Variants in OGFOD3 observed in about 807,000 individuals in gnomAD.
The protein encoded by OGFOD3 is 2-oxoglutarate and iron-dependent oxygenase domain-containing protein 3.
In OGFOD3, 35 loss-of-function variants were observed where a neutral mutation model predicts 39.8. The ratio of observed to expected loss-of-function variants is 0.88; its 90% confidence interval spans 0.67 to 1.17. OGFOD3 has a LOEUF of 1.17. Ranked by LOEUF, OGFOD3 falls within the 50% of genes most tolerant of loss-of-function variation. The pLI is 0.00. For synonymous variants in OGFOD3, 200 were observed against 192.0 expected (o/e 1.04, Z -0.34); for missense variants, 438 against 454.5 (o/e 0.96, Z 0.33).
chr17:82,394,360 C>A, intron 8 of OGFOD3: 1 of 1,575,900 alleles, frequency 6.3e-7, no homozygotes, highest in South Asian at 1.2e-5. Flanking sequence ...CTCAGCACGG[C>A]AACCAAGGAA....
chr17:82,396,131 CAT>C (rs1418384826), intron 8 of OGFOD3, among the ~76,000 whole-genome samples: 5 of 151,756 alleles, frequency 3.3e-5, no homozygotes, highest in Non-Finnish European at 5.9e-5. Context: ...CAGGGAAACA[CAT>C]AGATACAATT....
chr17:82,410,596 C>A (rs546645719), intron 3 of OGFOD3, among the ~76,000 whole-genome samples: 1 of 152,308 alleles, frequency 6.6e-6, no homozygotes, highest in South Asian at 2.1e-4. Flanking sequence ...GGCCACAACC[C>A]CTGCAGAGGA....
At chr17:82,412,690 C>T (rs895383830) in intron 2 of OGFOD3, among the ~76,000 whole-genome samples, 2 of 152,052 alleles carry the variant, frequency 1.3e-5, no homozygotes, top group African/African-American at 4.8e-5. Flanking sequence ...AGCAGAGTGT[C>T]GGAGAGGGGC....
In OGFOD3 at chr17:82,394,280, A is replaced by G. The variant is rs113905800; in HGVS notation, c.824-1746T>C. Reference sequence around the variant, plus strand: ...GCTGGGATTACAGGCGTGAGCCACCACGCCCGGCCTAAGATGCACTTTCTT... The same window carrying G: ...GCTGGGATTACAGGCGTGAGCCACCGCGCCCGGCCTAAGATGCACTTTCTT... On this transcript the variant is annotated intron_variant, in intron 8 of 8. Transcript: ENST00000313056. 3.0e-3 allele frequency: 4,423 copies of G among 1,462,088 alleles called. 90 individuals are homozygous for G. In the African/African-American group the frequency reaches 0.047, roughly 16 times the overall value. 90.6% of individuals were successfully genotyped at this position (1,462,088 alleles called of 1,614,324 possible).
At position 82,404,197 on chromosome 17, in the gene OGFOD3, G is replaced by A. The variant is rs2143244103; in HGVS notation, c.546-107C>T. ...GGAACCAGCCTTCGTACGGCTCCGG[G>A]CCCGCGGGGCGGGGGCTCCCAAGCA... On this transcript the variant is annotated intron_variant, in intron 6 of 8. Transcript: ENST00000313056. The surrounding 1 kb of genome is among the most constrained non-coding windows in gnomAD (Gnocchi z 4.5). 1.5e-6 allele frequency: 2 copies of A among 1,303,292 alleles called. No individual in the cohort carries two copies. Among genetic ancestry groups the A allele is most frequent in the Non-Finnish European group, 2.0e-6 (2 of 976,964 alleles). The allele number at this position is 1,303,292 out of a possible 1,614,324, so 80.7% of individuals were successfully genotyped here.
intron 4 of OGFOD3, among the ~76,000 whole-genome samples, chr17:82,408,810 G>A (rs2052896830): frequency 6.6e-6 from 1 of 152,174 alleles, no homozygotes. Context: ...CATCTGCAAA[G>A]GTCCCTTTTC....
At position 82,415,028 on chromosome 17, in the gene OGFOD3, G is replaced by A. The variant is rs887043558; in HGVS notation, c.304+370C>T. On this transcript the variant is annotated intron_variant, in intron 2 of 8. Transcript: ENST00000313056. The surrounding 1 kb of genome is among the most constrained non-coding windows in gnomAD (Gnocchi z 5.3). ...ACGGGAGCGGGGGAGGGGAGCTGGG[G>A]CACAGGACGGCAGAAGGGCTGCTGG... Among the ~76,000 whole-genome samples the A allele has an allele frequency of 2.0e-5, 3 of 152,216 alleles. No individual in the cohort carries two copies. The highest frequency in any genetic ancestry group is 6.5e-5 in the Admixed American group (1 of 15,286).
chr17:82,392,598 G>C lies in OGFOD3; in HGVS notation c.824-64C>G, dbSNP rs989478344. 1.3e-6 allele frequency: 2 copies of C among 1,523,214 alleles called. No individual in the cohort carries two copies. Among genetic ancestry groups the C allele is most frequent in the Non-Finnish European group, 1.8e-6 (2 of 1,131,440 alleles). 94.4% of individuals were successfully genotyped at this position (1,523,214 alleles called of 1,614,324 possible). ...CACCCACGGCCACAGCCTTCAGAGG[G>C]TCTGCGGTCACCTGAAAGAGCAACT... On this transcript the variant is annotated intron_variant, in intron 8 of 8. Coordinates refer to ENST00000313056, the MANE Select transcript of OGFOD3 (RefSeq NM_024648.3). The surrounding 1 kb of genome is among the most constrained non-coding windows in gnomAD (Gnocchi z 4.2).
chr17:82,416,118 C>T (rs899188002), intron 1 of OGFOD3, among the ~76,000 whole-genome samples: 33 of 152,110 alleles, frequency 2.2e-4, no homozygotes, highest in South Asian at 1.0e-3. Context: ...TGCCTGTAGT[C>T]CCTGCTACTC....
Position 82,404,060 on chromosome 17 carries a change from A to C in OGFOD3, c.576T>G (p.Ile192Met). ...ATGCGCTGATGCCAAAAGCCTCAGC[A>C]ATGGTGAGCTGGACCTTCTGCCGCA... ...REVRQKVQLT[I>M]AEAFGISASS... Residue 192 changes from isoleucine (I) to methionine (M), a missense_variant, in exon 7 of 9, where the codon ATT (isoleucine) becomes ATG (methionine). Transcript: ENST00000313056. This position sits in a 1 kb window ranked among gnomAD's most constrained non-coding sequence, Gnocchi z 4.5. 1 of 1,607,322 alleles carries C rather than the reference A, an allele frequency of 6.2e-7. No homozygotes were observed. The highest frequency in any genetic ancestry group is 8.5e-7 in the Non-Finnish European group (1 of 1,176,674).
chr17:82,398,445 G>C lies in OGFOD3; in HGVS notation c.700-126C>G, dbSNP rs567618400. The C allele has an allele frequency of 4.6e-5, 52 of 1,137,758 alleles. No individual in the cohort carries two copies. In the East Asian group the frequency reaches 1.3e-3, roughly 29 times the overall value. The allele number at this position is 1,137,758 out of a possible 1,614,324, so 70.5% of individuals were successfully genotyped here. A position where few individuals can be genotyped will look rare whatever the true frequency, so the allele number is the denominator to read the frequency against. Reference sequence around the variant, plus strand: ...GACAGAGTCTTGCTCCATCACCCAGGCTGGAGTGCAGTGATGCGATCTCGG... The same window carrying C: ...GACAGAGTCTTGCTCCATCACCCAGCCTGGAGTGCAGTGATGCGATCTCGG... On this transcript the variant is annotated intron_variant, in intron 7 of 8. Coordinates refer to ENST00000313056, the MANE Select transcript of OGFOD3 (RefSeq NM_024648.3).
chr17:82,407,038 T>A (rs1184343331), intron 4 of OGFOD3, among the ~76,000 whole-genome samples: 1 of 152,110 alleles, frequency 6.6e-6, no homozygotes, highest in Non-Finnish European at 1.5e-5. Context: ...GCTAACATGG[T>A]GAAACCCCAT....
At chr17:82,407,560 C>T (rs1339616951) in intron 4 of OGFOD3, among the ~76,000 whole-genome samples, 1 of 152,234 alleles carries the variant, frequency 6.6e-6, no homozygotes, top group African/African-American at 2.4e-5. Context: ...CCTCTCAGTC[C>T]TTCCCTACGT....
chr17:82,409,231 G>A (rs948684528), intron 4 of OGFOD3, 137 bp downstream of exon 4: 9 of 811,374 alleles, frequency 1.1e-5, no homozygotes, highest in Non-Finnish European at 1.7e-5. Context: ...GGCTGGTGCT[G>A]AGAAACACCA....
chr17:82,392,603 C>A lies in OGFOD3; in HGVS notation c.824-69G>T. ...ACGGCCACAGCCTTCAGAGGGTCTG[C>A]GGTCACCTGAAAGAGCAACTATAAC... On this transcript the variant is annotated intron_variant, in intron 8 of 8. Transcript: ENST00000313056. The surrounding 1 kb of genome is among the most constrained non-coding windows in gnomAD (Gnocchi z 4.2). The A allele has an allele frequency of 6.6e-7, 1 of 1,512,846 alleles. No individual in the cohort carries two copies. Among genetic ancestry groups the A allele is most frequent in the Non-Finnish European group, 8.9e-7 (1 of 1,124,154 alleles). 93.7% of individuals were successfully genotyped at this position (1,512,846 alleles called of 1,614,324 possible).
At chr17:82,411,996 C>A (rs2052953577) in intron 2 of OGFOD3, among the ~76,000 whole-genome samples, 1 of 150,972 alleles carries the variant, frequency 6.6e-6, no homozygotes. Flanking sequence ...CCTGAGACCA[C>A]CAGAGCAGAA....
intron 8 of OGFOD3, among the ~76,000 whole-genome samples, chr17:82,394,899 A>T (rs577467415): frequency 1.8e-4 from 27 of 152,256 alleles, no homozygotes; most frequent in African/African-American, 6.3e-4. Context: ...ACACCCCCGA[A>T]TATCATCACA....
At chr17:82,411,098 G>C (rs1220710018) in intron 3 of OGFOD3, among the ~76,000 whole-genome samples, 5 of 148,226 alleles carry the variant, frequency 3.4e-5, no homozygotes, top group Non-Finnish European at 7.4e-5. Context: ...CCAGGATGGA[G>C]TGCAGTGGTG....
rs1172345919 is a variant in OGFOD3 at position 82,392,397 on chromosome 17, G to A, written c.*1C>T. On this transcript the variant is annotated 3_prime_UTR_variant, in exon 9 of 9. Transcript: ENST00000313056. This position sits in a 1 kb window ranked among gnomAD's most constrained non-coding sequence, Gnocchi z 4.2. ...TGAAGTTACCTTGGCCCGGCTGCTG[G>A]CTACGGGAACGCTGGGTCCTCGATG... 1.2e-6 allele frequency: 2 copies of A among 1,610,230 alleles called. No homozygotes were observed. Among genetic ancestry groups the A allele is most frequent in the East Asian group, 4.5e-5 (2 of 44,846 alleles).
Sources: gnomAD v4.1 joint callset for allele counts (sites outside exome capture counted in the v4.1 genomes callset) on GRCh38, gnomAD v4.1.1 for gene constraint, Gnocchi (gnomAD v3.1) non-coding constraint, MANE v1.5 for transcripts, NCBI Gene and HGNC (gene_info 2026-07-23, HGNC 2026-07-21) for gene names.